PRICKLE2: variants seen among roughly 807,000 people sequenced by gnomAD.
PRICKLE2 encodes the protein prickle-like protein 2.
Under a neutral mutation model 81.4 loss-of-function variants are expected in PRICKLE2, and 21 were observed. That is an observed-to-expected ratio of 0.26 (90% CI 0.18 to 0.37). The LOEUF (loss-of-function observed/expected upper bound fraction) is 0.37. Ranked by LOEUF, PRICKLE2 falls within the 10% of genes least tolerant of loss-of-function variation. The probability of loss-of-function intolerance (pLI) is 1.00; values close to 1 mark genes in which losing one functional copy is unlikely to be tolerated. For synonymous variants in PRICKLE2, 456 were observed against 421.5 expected, an observed-to-expected ratio of 1.08 and a Z score of -1.00; for missense variants, 940 against 1,109.0, an observed-to-expected ratio of 0.85 and a Z score of 2.16.
chr3:64,165,092 G>A (rs2077806455), intron 2 of PRICKLE2, among the ~76,000 whole-genome samples: 1 of 152,172 alleles, frequency 6.6e-6, no homozygotes, highest in Non-Finnish European at 1.5e-5. Flanking sequence ...TTGCTAATAT[G>A]AGATGAATTA....
chr3:64,165,210 G>C (rs528152092), intron 2 of PRICKLE2, among the ~76,000 whole-genome samples: 1 of 152,214 alleles, frequency 6.6e-6, no homozygotes, highest in African/African-American at 2.4e-5. Context: ...GCACAGTCAG[G>C]CCTGAGAGCC....
At chr3:64,103,319 CTG>C (rs2076698763) in intron 7 of PRICKLE2, among the ~76,000 whole-genome samples, 1 of 152,182 alleles carries the variant, frequency 6.6e-6, no homozygotes, top group Non-Finnish European at 1.5e-5. Context: ...CCAAACCAAA[CTG>C]TCAACAGTCT....
At chr3:64,241,214 T>A (rs2079260424) in intron 2 of PRICKLE2, among the ~76,000 whole-genome samples, 2 of 152,194 alleles carry the variant, frequency 1.3e-5, no homozygotes, top group Non-Finnish European at 1.5e-5. Flanking sequence ...TCTCTACCTA[T>A]ACAATGGCTC....
Position 64,093,109 on chromosome 3 carries a change from T to C in PRICKLE2, c.*5942A>G, listed in dbSNP as rs1263563282. The stretch of plus-strand genomic sequence containing the variant: ...TTTGACTCTAGGTGCCTCAGATAAA[T>C]GGAATCATACACTTGTCTTTTTGTG... On this transcript the variant is annotated 3_prime_UTR_variant, in exon 8 of 8. Transcript: ENST00000638394. 1 of 165,772 alleles carries C rather than the reference T, an allele frequency of 6.0e-6. No individual in the cohort carries two copies. Among genetic ancestry groups the C allele is most frequent in the Non-Finnish European group, 1.3e-5 (1 of 77,614 alleles). The allele number at this position is 165,772 out of a possible 1,614,324, so 10.3% of individuals were successfully genotyped here.
chr3:64,100,196 T>C (rs1487479109), intron 7 of PRICKLE2: 2 of 507,804 alleles, frequency 3.9e-6, no homozygotes, highest in East Asian at 3.5e-5. Flanking sequence ...TCAAAGTTAC[T>C]AAGAGCCCAC....
chr3:64,106,540 C>T (rs182947023), intron 7 of PRICKLE2, among the ~76,000 whole-genome samples: 2 of 152,280 alleles, frequency 1.3e-5, no homozygotes, highest in East Asian at 1.9e-4. Flanking sequence ...TCCACTTGAA[C>T]GCCAGCCACT....
Position 64,098,862 on chromosome 3 carries a change from T to C in PRICKLE2, c.*189A>G, listed in dbSNP as rs1406686679. 1.5e-5 allele frequency: 10 copies of C among 650,994 alleles called. No individual in the cohort carries two copies. Among genetic ancestry groups the C allele is most frequent in the East Asian group, 1.1e-4 (4 of 36,526 alleles). 40.3% of individuals were successfully genotyped at this position (650,994 alleles called of 1,614,324 possible). A position where few individuals can be genotyped will look rare whatever the true frequency, so the allele number is the denominator to read the frequency against. ...TTTCCAAAGTGAAATGTGCAAATAA[T>C]ATTCAACATGCCAAGAACTGTGACT... is the stretch of plus-strand genomic sequence containing the variant. On this transcript the variant is annotated 3_prime_UTR_variant, in exon 8 of 8. Transcript: ENST00000638394.
chr3:64,130,263 CA>C (rs2077177387), intron 7 of PRICKLE2, among the ~76,000 whole-genome samples: 1 of 114,094 alleles, frequency 8.8e-6, no homozygotes. Context: ...CTAATTATGG[CA>C]AATACTTTTG....
intron 5 of PRICKLE2, chr3:64,154,064 G>C (rs1163230155): frequency 6.5e-6 from 1 of 152,866 alleles, no homozygotes; most frequent in Non-Finnish European, 1.5e-5. Flanking sequence ...CATAAGGCTG[G>C]GCATATAGAT....
At chr3:64,251,862 C>T (rs1161180223) in intron 2 of PRICKLE2, among the ~76,000 whole-genome samples, 2 of 152,188 alleles carry the variant, frequency 1.3e-5, no homozygotes, top group East Asian at 3.9e-4. Context: ...AAATACTCAA[C>T]AAATATTTAC....
In PRICKLE2 at chr3:64,099,812, T is replaced by C. The variant is rs1422496685; in HGVS notation, c.1774A>G (p.Thr592Ala). 7.4e-6 allele frequency: 12 copies of C among 1,613,862 alleles called. No homozygotes were observed. Among genetic ancestry groups the C allele is most frequent in the Non-Finnish European group, 1.0e-5 (12 of 1,180,008 alleles). Residue 592 changes from threonine (T) to alanine (A), a missense_variant, in exon 8 of 8, where the codon ACT (threonine) becomes GCT (alanine). Thr to Ala is a moderately conservative substitution (Grantham distance 58). Coordinates refer to ENST00000638394, the MANE Select transcript of PRICKLE2 (RefSeq NM_198859.4). The surrounding 1 kb of genome is among the most constrained non-coding windows in gnomAD (Gnocchi z 4.3). ...CGGAACTGCATGGACGAGTTAAGAG[T>C]GCCCATGTTGCTCAGCTTCTCAGAC... The part of the protein sequence containing the change: ...NVSEKLSNMG[T>A]LNSSMQFRSA...
chr3:64,099,743 G>A lies in PRICKLE2; in HGVS notation c.1843C>T (p.Gln615Ter). 1 of 1,614,194 alleles carries A rather than the reference G, an allele frequency of 6.2e-7. No homozygotes were observed. The highest frequency in any genetic ancestry group is 8.5e-7 in the Non-Finnish European group (1 of 1,180,028). ...VRSLLSAQQY[Q>*]EMEGNLHQLS... is the part of the protein sequence containing the mutation. ...TGGTGGAGGTTTCCCTCCATCTCCT[G>A]GTACTGCTGGGCAGAGAGCAGGCTG... Residue 615 changes from glutamine (Q) to a stop codon, truncating the protein, a stop_gained, in exon 8 of 8, where the codon CAG becomes TAG. Transcript: ENST00000638394. LOFTEE classifies it high-confidence loss of function. The surrounding 1 kb of genome is among the most constrained non-coding windows in gnomAD (Gnocchi z 4.3).
intron 2 of PRICKLE2, among the ~76,000 whole-genome samples, chr3:64,239,331 A>G (rs2079228098): frequency 6.6e-6 from 1 of 152,132 alleles, no homozygotes; most frequent in African/African-American, 2.4e-5. Flanking sequence ...CGTGGCCAAA[A>G]CAGAGATACA....
chr3:64,241,852 G>C (rs536773083), intron 2 of PRICKLE2, among the ~76,000 whole-genome samples: 1 of 152,102 alleles, frequency 6.6e-6, no homozygotes, highest in African/African-American at 2.4e-5. Flanking sequence ...GCCAAAGCAA[G>C]GGAAAATGTT....
At chr3:64,211,627 G>C (rs1038589794) in intron 1 of PRICKLE2, among the ~76,000 whole-genome samples, 8 of 152,142 alleles carry the variant, frequency 5.3e-5, no homozygotes, top group South Asian at 2.1e-4. Flanking sequence ...AATCTAGAAG[G>C]GTGTTTGGGA....
intron 7 of PRICKLE2, chr3:64,142,032 A>G (rs2077370159): frequency 1.3e-6 from 1 of 785,308 alleles, no homozygotes; most frequent in African/African-American, 1.9e-5. Flanking sequence ...ATTCAAATGT[A>G]AACAGTGAGG....
At chr3:64,116,074 G>T (rs1446814456) in intron 7 of PRICKLE2, among the ~76,000 whole-genome samples, 2 of 152,104 alleles carry the variant, frequency 1.3e-5, no homozygotes, top group African/African-American at 4.8e-5. Flanking sequence ...ATGGAAATTG[G>T]ATAACCTGCT....
chr3:64,267,831 C>T (rs1413391496), intron 2 of PRICKLE2: 1 of 152,250 alleles, frequency 6.6e-6, no homozygotes, highest in Non-Finnish European at 1.5e-5. Context: ...AGGGGAGCTC[C>T]TGAAACCAGG....
At chr3:64,135,315 A>G (rs920491952) in intron 7 of PRICKLE2, among the ~76,000 whole-genome samples, 3 of 152,202 alleles carry the variant, frequency 2.0e-5, no homozygotes, top group Non-Finnish European at 4.4e-5. Flanking sequence ...TGGGAAAAAT[A>G]AGAGAGAAAA....
Sources: gnomAD v4.1 joint callset for allele counts (sites outside exome capture counted in the v4.1 genomes callset) on GRCh38, gnomAD v4.1.1 for gene constraint, Gnocchi (gnomAD v3.1) non-coding constraint, MANE v1.5 for transcripts, NCBI Gene and HGNC (gene_info 2026-07-23, HGNC 2026-07-21) for gene names.